Variants in EFHD1 observed in about 807,000 individuals in gnomAD.
EFHD1 encodes EF-hand domain family member D1.
In EFHD1, 10 loss-of-function variants were observed where a neutral mutation model predicts 17.2. The ratio of observed to expected loss-of-function variants is 0.58; its 90% confidence interval spans 0.36 to 0.99. EFHD1 has a LOEUF of 0.99. Ranked by LOEUF, EFHD1 falls within the 50% of genes least tolerant of loss-of-function variation. The pLI, the probability that EFHD1 is intolerant of heterozygous loss-of-function variation, is 0.01. For synonymous variants in EFHD1, 153 were observed against 142.0 expected (o/e 1.08, Z -0.55); for missense variants, 310 against 327.5 (o/e 0.95, Z 0.41).
intron 3 of EFHD1, 109 bp downstream of exon 3, chr2:232,672,552 C>T: frequency 6.9e-7 from 1 of 1,450,108 alleles, no homozygotes; most frequent in South Asian, 1.4e-5. Context: ...CAGAAACAGA[C>T]CAGGAGGGTC....
chr2:232,618,786 C>T (rs1693969785), intron 1 of EFHD1, among the ~76,000 whole-genome samples: 1 of 150,488 alleles, frequency 6.6e-6, no homozygotes, highest in South Asian at 2.1e-4. Context: ...ACCTCAAAAA[C>T]ATTATGAAGA....
At chr2:232,643,099 C>T (rs1433676891) in intron 1 of EFHD1, among the ~76,000 whole-genome samples, 6 of 151,914 alleles carry the variant, frequency 3.9e-5, no homozygotes, top group South Asian at 2.1e-4. Context: ...TGAGTTTCCC[C>T]GAGTCACATC....
chr2:232,628,618 G>A (rs1309545203), upstream of EFHD1, among the ~76,000 whole-genome samples: 1 of 152,138 alleles, frequency 6.6e-6, no homozygotes, highest in Admixed American at 6.5e-5. Context: ...TATCGGGGCT[G>A]AAAGAGAAAT....
chr2:232,672,109 G>T (rs1020076249), intron 2 of EFHD1, among the ~76,000 whole-genome samples, 200 bp from the exon 3 acceptor site: 4 of 152,042 alleles, frequency 2.6e-5, no homozygotes, highest in Non-Finnish European at 5.9e-5. Context: ...ATATGAAGGT[G>T]CCCATTTCCC....
At chr2:232,607,798 T>A (rs1347545237) in intron 1 of EFHD1, among the ~76,000 whole-genome samples, 6 of 141,540 alleles carry the variant, frequency 4.2e-5, no homozygotes, top group Non-Finnish European at 7.7e-5. Flanking sequence ...TTTTTTTTTT[T>A]AATTTAAGGT....
upstream of EFHD1, among the ~76,000 whole-genome samples, chr2:232,630,320 T>C (rs755063405): frequency 1.3e-5 from 2 of 152,216 alleles, no homozygotes; most frequent in Non-Finnish European, 2.9e-5. Context: ...AGAACAGGCT[T>C]TGGGCTGTGG....
intron 1 of EFHD1, among the ~76,000 whole-genome samples, chr2:232,634,926 G>A (rs1391946571): frequency 6.6e-6 from 1 of 152,214 alleles, no homozygotes; most frequent in Non-Finnish European, 1.5e-5. Context: ...TCATGCTTGG[G>A]CGTTTTTAAA....
chr2:232,643,764 A>G, intron 1 of EFHD1, among the ~76,000 whole-genome samples: 3 of 146,516 alleles, frequency 2.0e-5, no homozygotes, highest in African/African-American at 7.6e-5. Context: ...GCTCACTGCA[A>G]CCTCCACCTC....
rs79776217 is a variant in EFHD1, at chr2:232,647,643, C to CTTTTTTTTTTT, written c.302+13647_302+13648insTTTTTTTTTTT. ...GCCCCTCAGGACTCTCCTGTTAGAA[C>CTTTTTTTTTTT]TTTTTTTTTTGAGACGGAGTTTTGC... is the stretch of plus-strand genomic sequence containing the variant. On this transcript the variant is annotated intron_variant, in intron 1 of 3. Coordinates refer to ENST00000264059, the MANE Select transcript of EFHD1 (RefSeq NM_025202.4). Among the ~76,000 whole-genome samples, 68 of 141,540 alleles carry CTTTTTTTTTTT rather than the reference C, an allele frequency of 4.8e-4. 1 individual carries two copies. The highest frequency in any genetic ancestry group is 7.9e-4 in the African/African-American group (30 of 37,762). 92.9% of individuals were successfully genotyped at this position (141,540 alleles called of 152,430 possible). A position where few individuals can be genotyped will look rare whatever the true frequency, so the allele number is the denominator to read the frequency against.
At chr2:232,606,271 T>C (rs1373312631) in intron 1 of EFHD1, 11 of 1,425,636 alleles carry the variant, frequency 7.7e-6, no homozygotes, top group Non-Finnish European at 1.1e-5. Flanking sequence ...TGCGCGGTAA[T>C]TCCTGGCTTT....
chr2:232,640,736 TGA>T (rs1158668502), intron 1 of EFHD1, among the ~76,000 whole-genome samples: 1 of 151,892 alleles, frequency 6.6e-6, no homozygotes, highest in East Asian at 1.9e-4. Context: ...GAGCAGACCC[TGA>T]GAGGATGTGA....
chr2:232,652,705 G>C (rs1206732314), intron 1 of EFHD1, among the ~76,000 whole-genome samples: 1 of 152,136 alleles, frequency 6.6e-6, no homozygotes, highest in Non-Finnish European at 1.5e-5. Flanking sequence ...ACCAGTTTTA[G>C]TTACTACATG....
chr2:232,606,265 C>T, intron 1 of EFHD1: 2 of 1,454,284 alleles, frequency 1.4e-6, no homozygotes, highest in South Asian at 2.4e-5. Flanking sequence ...AATAGGTGCG[C>T]GGTAATTCCT....
rs150663385 is a variant in EFHD1, at chr2:232,641,364, G to A, written c.302+7358G>A. On this transcript the variant is annotated intron_variant, in intron 1 of 3. Transcript: ENST00000264059. ...GGAGTTACTGAGAAATGGAACGAAA[G>A]GTCTTGCAAGGTGGTGAGCTGCTTT... 2.8e-3 allele frequency among the ~76,000 whole-genome samples: 432 copies of A among 152,248 alleles called. 2 individuals carry two copies. Among genetic ancestry groups the A allele is most frequent in the Non-Finnish European group, 4.1e-3 (277 of 68,016 alleles).
intron 1 of EFHD1, among the ~76,000 whole-genome samples, chr2:232,647,643 CT>C (rs79776217): frequency 2.8e-5 from 4 of 141,564 alleles, no homozygotes; most frequent in Admixed American, 7.1e-5. Flanking sequence ...CCTGTTAGAA[CT>C]TTTTTTTTTG....
chr2:232,640,120 C>A (rs1400155473), intron 1 of EFHD1, among the ~76,000 whole-genome samples: 1 of 152,208 alleles, frequency 6.6e-6, no homozygotes, highest in Non-Finnish European at 1.5e-5. Flanking sequence ...GTTATTGGAG[C>A]ATGGACCATG....
At chr2:232,678,982 T>C (rs1574738632) in intron 3 of EFHD1, among the ~76,000 whole-genome samples, 1 of 152,174 alleles carries the variant, frequency 6.6e-6, no homozygotes, top group South Asian at 2.1e-4. Context: ...CGGTTCATAA[T>C]GTGATGACTA....
chr2:232,612,646 G>A (rs1367630387), intron 1 of EFHD1, among the ~76,000 whole-genome samples: 1 of 152,106 alleles, frequency 6.6e-6, no homozygotes, highest in Non-Finnish European at 1.5e-5. Flanking sequence ...AGGATATGGA[G>A]CAAGGCAGGC....
At chr2:232,607,745 C>T (rs900484463) in intron 1 of EFHD1, among the ~76,000 whole-genome samples, 1 of 151,578 alleles carries the variant, frequency 6.6e-6, no homozygotes, top group South Asian at 2.1e-4. Flanking sequence ...CAGAGCAAGA[C>T]CCTATCTCAA....
Sources: allele counts gnomAD v4.1 joint callset (sites outside exome capture counted in the v4.1 genomes callset), GRCh38; gene constraint gnomAD v4.1.1; transcripts MANE v1.5; gene names NCBI Gene and HGNC (gene_info 2026-07-23, HGNC 2026-07-21).